ITFG1: variants seen among roughly 807,000 people sequenced by gnomAD.
ITFG1 encodes integrin alpha FG-GAP repeat containing 1.
A neutral mutation model predicts 81.8 loss-of-function variants in ITFG1; 34 were observed. That is an observed-to-expected ratio of 0.42 (90% CI 0.32 to 0.55). The LOEUF is 0.55. Among genes scored for constraint, ITFG1 ranks in the 20% least tolerant of loss-of-function variants. ITFG1 has a pLI of 0.17. For synonymous variants in ITFG1, 285 were observed against 270.6 expected, an observed-to-expected ratio of 1.05 and a Z score of -0.52; for missense variants, 672 against 755.4, an observed-to-expected ratio of 0.89 and a Z score of 1.29.
intron 12 of ITFG1, among the ~76,000 whole-genome samples, chr16:47,242,161 C>A (rs1298354765): frequency 1.3e-5 from 2 of 151,356 alleles, no homozygotes; most frequent in Non-Finnish European, 2.9e-5. Flanking sequence ...AAGAAAGATA[C>A]CATAAAATTT....
At chr16:47,459,202 G>C in intron 1 of ITFG1, 27 bp from the exon 2 acceptor site, 1 of 1,430,104 alleles carries the variant, frequency 7.0e-7, no homozygotes. Context: ...TATGATATTA[G>C]AAAAATGTTT....
intron 6 of ITFG1, among the ~76,000 whole-genome samples, chr16:47,428,428 T>C (rs527298268): frequency 1.3e-5 from 2 of 152,284 alleles, no homozygotes; most frequent in South Asian, 2.1e-4. Context: ...TTTAAAAGCC[T>C]GTGAAATTAT....
At chr16:47,179,772 T>A (rs1198678792) in intron 14 of ITFG1, among the ~76,000 whole-genome samples, 1 of 152,198 alleles carries the variant, frequency 6.6e-6, no homozygotes, top group East Asian at 1.9e-4. Context: ...TAAATTACCC[T>A]AAGTGAATAG....
At chr16:47,160,991 T>C (rs973516958) in intron 16 of ITFG1, among the ~76,000 whole-genome samples, 2 of 152,234 alleles carry the variant, frequency 1.3e-5, no homozygotes, top group African/African-American at 4.8e-5. Flanking sequence ...TATTCATAGA[T>C]AAATTCACCA....
intron 8 of ITFG1, among the ~76,000 whole-genome samples, chr16:47,357,653 T>C (rs1249652472): frequency 1.3e-5 from 2 of 150,776 alleles, no homozygotes; most frequent in East Asian, 3.9e-4. Flanking sequence ...CAATGCACAG[T>C]ATAGTCTTGA....
intron 12 of ITFG1, among the ~76,000 whole-genome samples, chr16:47,244,194 T>C (rs1965969609): frequency 6.6e-6 from 1 of 152,174 alleles, no homozygotes; most frequent in African/African-American, 2.4e-5. Context: ...TAATACCTTT[T>C]ATAATAAGCA....
At chr16:47,291,571 A>G (rs1458390167) in intron 10 of ITFG1, among the ~76,000 whole-genome samples, 3 of 152,172 alleles carry the variant, frequency 2.0e-5, no homozygotes, top group South Asian at 2.1e-4. Context: ...TGGAATTCCC[A>G]TAAGATTACT....
intron 8 of ITFG1, among the ~76,000 whole-genome samples, chr16:47,345,817 G>A (rs946528332): frequency 1.4e-4 from 21 of 152,066 alleles, no homozygotes; most frequent in Admixed American, 9.8e-4. Context: ...TTGTATATGC[G>A]GTCCGTGGTT....
chr16:47,459,114 C>G lies in ITFG1; in HGVS notation c.270G>C (p.Lys90Asn). 6.3e-7 allele frequency: 1 copy of G among 1,580,940 alleles called. No homozygotes were observed. The highest frequency in any genetic ancestry group is 2.2e-5 in the East Asian group (1 of 44,684). The change falls in exon 2 of 18, where the codon AAG becomes AAC. Residue 90 changes from lysine (K) to asparagine (N), a missense_variant. This residue lies in a region of ITFG1 where 560 missense variants were observed against 625.7 expected (regional missense o/e 0.90). Coordinates refer to ENST00000320640, the MANE Select transcript of ITFG1 (RefSeq NM_030790.5). ...ATATTTGTACTTACTTGAAAGATAC[C>G]TTTACTTTGGGTTTAAAATAGGGTG... The part of the protein sequence containing the change: ...QNAPYFKPKV[K>N]VSFKNHSALI...
At chr16:47,416,893 C>T (rs749916447) in intron 6 of ITFG1, among the ~76,000 whole-genome samples, 2 of 152,178 alleles carry the variant, frequency 1.3e-5, no homozygotes, top group African/African-American at 4.8e-5. Context: ...GAAGTGTATA[C>T]CATTTTATAA....
At chr16:47,410,066 G>A (rs571137014) in intron 6 of ITFG1, among the ~76,000 whole-genome samples, 4 of 152,250 alleles carry the variant, frequency 2.6e-5, no homozygotes, top group African/African-American at 9.6e-5. Context: ...TTGAGCTTAG[G>A]AGTTCAAGAC....
chr16:47,277,265 A>G (rs1314416254), intron 10 of ITFG1, among the ~76,000 whole-genome samples: 1 of 152,174 alleles, frequency 6.6e-6, no homozygotes, highest in African/African-American at 2.4e-5. Flanking sequence ...ATGCATTTTA[A>G]TTTCCCAAAT....
At chr16:47,325,400 T>G (rs1967520474) in intron 8 of ITFG1, among the ~76,000 whole-genome samples, 1 of 151,842 alleles carries the variant, frequency 6.6e-6, no homozygotes, top group Admixed American at 6.6e-5. Context: ...CACCCTAACA[T>G]CACAATTAAA....
chr16:47,367,479 T>C (rs543607566), intron 7 of ITFG1, among the ~76,000 whole-genome samples: 1 of 152,316 alleles, frequency 6.6e-6, no homozygotes, highest in Middle Eastern at 3.4e-3. Context: ...CATCCACCAA[T>C]CAACTCATTA....
At chr16:47,226,168 C>T (rs1368106481) in intron 13 of ITFG1, among the ~76,000 whole-genome samples, 1 of 152,190 alleles carries the variant, frequency 6.6e-6, no homozygotes, top group African/African-American at 2.4e-5. Flanking sequence ...TTCTAAGTTA[C>T]GATGTTAGTT....
chr16:47,260,433 C>A, intron 11 of ITFG1, 112 bp downstream of exon 11: 1 of 1,109,558 alleles, frequency 9.0e-7, no homozygotes, highest in Admixed American at 2.2e-5. Context: ...TTAATTAACT[C>A]ATTTGCTTTT....
intron 14 of ITFG1, among the ~76,000 whole-genome samples, chr16:47,196,071 C>A (rs1379954385): frequency 2.6e-5 from 4 of 152,188 alleles, no homozygotes; most frequent in Non-Finnish European, 4.4e-5. Flanking sequence ...TTTTTACTTG[C>A]ATGCTTTCTG....
intron 13 of ITFG1, among the ~76,000 whole-genome samples, chr16:47,227,859 A>G (rs918128017): frequency 6.6e-5 from 10 of 152,170 alleles, no homozygotes; most frequent in African/African-American, 2.4e-4. Flanking sequence ...GAGTGGACTT[A>G]ACTTTTCTCA....
chr16:47,190,835 T>A (rs1386335303), intron 14 of ITFG1, among the ~76,000 whole-genome samples: 1 of 152,232 alleles, frequency 6.6e-6, no homozygotes, highest in Non-Finnish European at 1.5e-5. Flanking sequence ...CTGCTGGTTT[T>A]GACTAAGTTA....
Sources: gnomAD v4.1 joint callset for allele counts (sites outside exome capture counted in the v4.1 genomes callset) on GRCh38, gnomAD v4.1.1 for gene constraint, gnomAD v4.1.1 regional missense constraint, MANE v1.5 for transcripts, NCBI Gene and HGNC (gene_info 2026-07-23, HGNC 2026-07-21) for gene names.